PKD1: variants seen among roughly 807,000 people sequenced by gnomAD.
PKD1 encodes the protein polycystin-1.
Under a neutral mutation model 361.7 loss-of-function variants are expected in PKD1, and 81 were observed. The observed-to-expected ratio is 0.22, with a 90% CI of 0.19 to 0.27. The LOEUF is 0.27. Among genes scored for constraint, PKD1 ranks in the 10% least tolerant of loss-of-function variants. The pLI is 1.00. For synonymous variants in PKD1, 3,615 were observed against 2,818.3 expected (o/e 1.28, Z -8.95); for missense variants, 6,399 against 6,118.3 (o/e 1.05, Z -1.53).
intron 37 of PKD1, 120 bp downstream of exon 37, chr16:2,093,424 T>G: frequency 1.0e-6 from 1 of 961,898 alleles, no homozygotes; most frequent in Non-Finnish European, 1.6e-6. Context: ...CTGCAGAGCA[T>G]TGAACCCCTA....
In PKD1 at chr16:2,111,858, C is replaced by G. The variant is rs750789518; in HGVS notation, c.3309G>C (p.Leu1103=). The change falls in exon 15 of 46, where the codon CTG becomes CTC. Residue 1103 remains leucine, a synonymous_variant. Coordinates refer to ENST00000262304, the MANE Select transcript of PKD1 (RefSeq NM_001009944.3). ...CGAAGGCATTAGATGCCAGCACGGTCAGGAGGTACTCACCTGTGGGGACAG... is the reference window on the plus strand; with the variant it reads ...CGAAGGCATTAGATGCCAGCACGGTGAGGAGGTACTCACCTGTGGGGACAG... The part of the protein sequence containing the change: ...HTYAAPGEYL[L]TVLASNAFEN... 11 of 1,610,268 alleles carry G rather than the reference C, an allele frequency of 6.8e-6. No homozygotes were observed. In the South Asian group the frequency reaches 1.2e-4, roughly 18 times the overall value.
Position 2,088,860 on chromosome 16 carries a change from C to A in PKD1, c.*867G>T. On this transcript the variant is annotated 3_prime_UTR_variant, in exon 46 of 46. Coordinates refer to ENST00000262304, the MANE Select transcript of PKD1 (RefSeq NM_001009944.3). ...CCTTGAGGCTGCCTGGGCCATACAG[C>A]ACACTCGCGCGTGCGCGCGCGCACA... 1 of 555,230 alleles carries A rather than the reference C, an allele frequency of 1.8e-6. No homozygotes were observed. The highest frequency in any genetic ancestry group is 3.0e-5 in the East Asian group (1 of 33,376). The allele number at this position is 555,230 out of a possible 1,614,324, so 34.4% of individuals were successfully genotyped here. A position where few individuals can be genotyped will look rare whatever the true frequency, so the allele number is the denominator to read the frequency against.
chr16:2,112,771 G>A lies in PKD1; in HGVS notation c.3161+17C>T, dbSNP rs1567206510. The A allele has an allele frequency of 3.1e-6, 5 of 1,593,812 alleles. No individual in the cohort carries two copies. The highest frequency in any genetic ancestry group is 2.2e-5 in the South Asian group (2 of 90,942). On this transcript the variant is annotated intron_variant, in intron 13 of 45. Coordinates refer to ENST00000262304, the MANE Select transcript of PKD1 (RefSeq NM_001009944.3). ...AGAGCCTGGTGCCCACCCCAAACCG[G>A]CCCCCGAGTCACTCACAGGAAGGCC...
Position 2,105,342 on chromosome 16 carries a change from C to G in PKD1, c.7996G>C (p.Ala2666Pro). ...HTVDDIQQIA[A>P]ALAQCMGPSR... ...CCTACCATGCACTGGGCCAGCGCAG[C>G]AGCGATCTGCTGGATGTCATCCACA... Residue 2666 changes from alanine to proline, a missense_variant, in exon 21 of 46, where the codon GCT becomes CCT. Ala to Pro is a conservative substitution (Grantham distance 27). Transcript: ENST00000262304. 6.3e-7 allele frequency: 1 copy of G among 1,593,320 alleles called. No individual in the cohort carries two copies.
intron 1 of PKD1, among the ~76,000 whole-genome samples, chr16:2,134,521 T>G (rs2151856469): frequency 7.0e-6 from 1 of 142,632 alleles, no homozygotes; most frequent in Admixed American, 6.8e-5. Context: ...TGGGGACAAC[T>G]GTCTGCTTAT....
chr16:2,091,102 G>C lies in PKD1; in HGVS notation c.11785C>G (p.Arg3929Gly), dbSNP rs776316139. ...ARTWHREGRW[R>G]VLRLGAWARW... Reference sequence around the variant, plus strand: ...GCCCAGGCTCCGAGCCGCAGCACGCGCCAGCGCCCTTCCCTGTGCCAAGTA... The same window carrying C: ...GCCCAGGCTCCGAGCCGCAGCACGCCCCAGCGCCCTTCCCTGTGCCAAGTA... The change falls in exon 43 of 46, where the codon CGC (arginine) becomes GGC (glycine). Residue 3929 changes from arginine to glycine, a missense_variant. By Grantham distance (125) the Arg-to-Gly change is moderately radical. Coordinates refer to ENST00000262304, the MANE Select transcript of PKD1 (RefSeq NM_001009944.3). 2.0e-6 allele frequency: 3 copies of C among 1,495,544 alleles called. No homozygotes were observed. The highest frequency in any genetic ancestry group is 1.4e-5 in the African/African-American group (1 of 69,062). The allele number at this position is 1,495,544 out of a possible 1,614,324, so 92.6% of individuals were successfully genotyped here.
rs142202785 is a variant in PKD1 at position 2,111,743 on chromosome 16, G to A, written c.3424C>T (p.Arg1142Trp). The change falls in exon 15 of 46, where the codon CGG becomes TGG. Residue 1142 changes from arginine (R) to tryptophan (W), a missense_variant. Physicochemically the swap from Arg to Trp is moderately radical, Grantham distance 101. Coordinates refer to ENST00000262304, the MANE Select transcript of PKD1 (RefSeq NM_001009944.3). The part of the protein sequence containing the change: ...GVSDGVLVAG[R>W]PVTFYPHPLP... ...GGGTGCGGGTAGAAGGTGACGGGCC[G>A]GCCGGCCACCAGGACGCCGTCACTC... The A allele has an allele frequency of 2.5e-3, 3,956 of 1,600,428 alleles. 55 individuals are homozygous for A. In the African/African-American group the frequency reaches 0.039, roughly 16 times the overall value.
chr16:2,098,339 G>A (rs2091936458), intron 30 of PKD1: 1 of 374,240 alleles, frequency 2.7e-6, no homozygotes, highest in South Asian at 2.5e-5. Context: ...CTCCTGAGTA[G>A]CTGGGATTAC....
In PKD1 at chr16:2,106,042, T is replaced by C; in HGVS notation, c.7704-18A>G. On this transcript the variant is annotated intron_variant, in intron 19 of 45. Coordinates refer to ENST00000262304, the MANE Select transcript of PKD1 (RefSeq NM_001009944.3). The surrounding 1 kb of genome is among the most constrained non-coding windows in gnomAD (Gnocchi z 6.5). Reference sequence around the variant, plus strand: ...CCAAAGACCTACGAGCAGAGGGGGGTGGTGAGCAGGTGGCAGTCTCGGGGG... The same window carrying C: ...CCAAAGACCTACGAGCAGAGGGGGGCGGTGAGCAGGTGGCAGTCTCGGGGG... 1.2e-6 allele frequency: 2 copies of C among 1,605,728 alleles called. No homozygotes were observed. Among genetic ancestry groups the C allele is most frequent in the Non-Finnish European group, 8.5e-7 (1 of 1,178,552 alleles).
intron 14 of PKD1, 133 bp downstream of exon 14, chr16:2,112,207 C>A (rs894269475): frequency 2.4e-6 from 2 of 828,366 alleles, no homozygotes; most frequent in Non-Finnish European, 4.0e-6. Context: ...CAGTAGGGGC[C>A]TAAGCCATCA....
Position 2,108,342 on chromosome 16 carries a change from C to T in PKD1, c.6825G>A (p.Val2275=). 1.2e-6 allele frequency: 2 copies of T among 1,608,330 alleles called. No homozygotes were observed. Among genetic ancestry groups the T allele is most frequent in the Non-Finnish European group, 1.7e-6 (2 of 1,177,920 alleles). ...GGTCGTAGGACTCGCTCCCATCCAG[C>T]ACCAGGTCCCGTGTGTCTGACCACA... ...YRVWSDTRDL[V]LDGSESYDPN... The change falls in exon 15 of 46, where the codon GTG becomes GTA. Residue 2275 remains valine, a synonymous_variant. Transcript: ENST00000262304.
chr16:2,118,102 G>C lies in PKD1; in HGVS notation c.890C>G (p.Pro297Arg), dbSNP rs757527492. ...CCAGCGTGTGGCAGTGACAGGGAGC[G>C]GGGCAGCGATGTGGAAGGCTGCTAG... is the stretch of plus-strand genomic sequence containing the variant. Reference protein sequence around the residue: ...GQLAAFHIAAPLPVTATRWDF... With the variant: ...GQLAAFHIAARLPVTATRWDF... Residue 297 changes from proline (P) to arginine (R), a missense_variant, in exon 5 of 46, where the codon CCG becomes CGG. By Grantham distance (103) the Pro-to-Arg change is moderately radical. Coordinates refer to ENST00000262304, the MANE Select transcript of PKD1 (RefSeq NM_001009944.3). The surrounding 1 kb of genome is among the most constrained non-coding windows in gnomAD (Gnocchi z 6.0). 1.1e-4 allele frequency: 180 copies of C among 1,605,952 alleles called. No homozygotes were observed. The highest frequency in any genetic ancestry group is 1.5e-4 in the Non-Finnish European group (174 of 1,178,384).
rs779086418 is a variant in PKD1 at position 2,109,271 on chromosome 16, C to T, written c.5896G>A (p.Val1966Met). The change falls in exon 15 of 46, where the codon GTG (valine) becomes ATG (methionine). Residue 1966 changes from valine to methionine, a missense_variant. By Grantham distance (21) the Val-to-Met change is conservative (BLOSUM62 1). Coordinates refer to ENST00000262304, the MANE Select transcript of PKD1 (RefSeq NM_001009944.3). ...VSWAQAQVRI[V>M]VLEAVSGLQV... is the part of the protein sequence containing the mutation. ...AGCCCACTCACGGCCTCCAGCACCA[C>T]GATGCGCACCTGCGCCTGGGCCCAG... is the stretch of plus-strand genomic sequence containing the variant. The T allele has an allele frequency of 1.2e-4, 191 of 1,583,612 alleles. No individual in the cohort carries two copies. The highest frequency in any genetic ancestry group is 1.5e-4 in the Non-Finnish European group (176 of 1,165,914).
In PKD1 at chr16:2,118,288, G is replaced by C. The variant is rs557462067; in HGVS notation, c.704C>G (p.Ala235Gly). The change falls in exon 5 of 46, where the codon GCC becomes GGC. Residue 235 changes from alanine (A) to glycine (G), a missense_variant. Transcript: ENST00000262304. This position sits in a 1 kb window ranked among gnomAD's most constrained non-coding sequence, Gnocchi z 6.0. ...GGCAAAGGAGGCACTGGAGGGCTGGGCCGCCCCACACAGGCACCAGCCCTG... is the reference window on the plus strand; with the variant it reads ...GGCAAAGGAGGCACTGGAGGGCTGGCCCGCCCCACACAGGCACCAGCCCTG... ...SEQGWCLCGA[A>G]QPSSASFACL... The C allele has an allele frequency of 8.5e-6, 13 of 1,530,538 alleles. No homozygotes were observed. The African/African-American group carries it at 1.8e-4, about 21-fold the overall frequency. The allele number at this position is 1,530,538 out of a possible 1,614,324, so 94.8% of individuals were successfully genotyped here.
chr16:2,094,332 A>G, intron 34 of PKD1, 122 bp from the exon 35 acceptor site: 1 of 713,092 alleles, frequency 1.4e-6, no homozygotes. Context: ...CCCCGACAAA[A>G]AGCCGGAAGA....
At position 2,098,170 on chromosome 16, in the gene PKD1, A is replaced by G. The variant is rs1239745462; in HGVS notation, c.10051-186T>C. 2.3e-5 allele frequency: 14 copies of G among 603,026 alleles called. No homozygotes were observed. In the Admixed American group the frequency reaches 4.0e-4, roughly 17 times the overall value. The allele number at this position is 603,026 out of a possible 1,614,324, so 37.4% of individuals were successfully genotyped here. A position where few individuals can be genotyped will look rare whatever the true frequency, so the allele number is the denominator to read the frequency against. Reference sequence around the variant, plus strand: ...CCCCTCGCGACGTGTGCCACTGAACACTTGACAGCAGACTGGTGCAGCTAA... The same window carrying G: ...CCCCTCGCGACGTGTGCCACTGAACGCTTGACAGCAGACTGGTGCAGCTAA... On this transcript the variant is annotated intron_variant, in intron 30 of 45. Transcript: ENST00000262304.
In PKD1 at chr16:2,103,290, G is replaced by C. The variant is rs747638599; in HGVS notation, c.8767C>G (p.Gln2923Glu). ...SSNPAAGLHL[Q>E]LNYTLLDGHY... ...CCGTCCAGCAGCGTATAGTTGAGCT[G>C]CAGATGCAGCCCGGCCGCAGGGTTG... The change falls in exon 23 of 46, where the codon CAG (glutamine) becomes GAG (glutamate). Residue 2923 changes from glutamine to glutamate, a missense_variant. Transcript: ENST00000262304. 4.3e-6 allele frequency: 7 copies of C among 1,609,478 alleles called. No homozygotes were observed. The South Asian group carries it at 7.7e-5, about 18-fold the overall frequency.
chr16:2,095,714 AAGCACTGTCCG>A (rs2091818117), intron 34 of PKD1, among the ~76,000 whole-genome samples: 1 of 152,240 alleles, frequency 6.6e-6, no homozygotes, highest in South Asian at 2.1e-4. Context: ...GGTCAGCCCG[AAGCACTGTCCG>A]AGCAAGGGAC....
rs1229207673 is a variant in PKD1, at chr16:2,093,058, G to A, written c.11052C>T (p.Thr3684=). The change falls in exon 38 of 46, where the codon ACC becomes ACT. Residue 3684 remains threonine, a synonymous_variant. Transcript: ENST00000262304. ...LLVYMLFLLV[T]LLASYGDASC... is the part of the protein sequence containing the mutation. ...AGGCATCCCCATAGCTGGCCAGCAG[G>A]GTCACCAGCAGAAAAAGCATGTACA... is the stretch of plus-strand genomic sequence containing the variant. 3.7e-6 allele frequency: 6 copies of A among 1,612,748 alleles called. No homozygotes were observed. Among genetic ancestry groups the A allele is most frequent in the Admixed American group, 1.7e-5 (1 of 59,994 alleles).
Sources: allele counts gnomAD v4.1 joint callset (sites outside exome capture counted in the v4.1 genomes callset), GRCh38; gene constraint gnomAD v4.1.1; non-coding constraint Gnocchi (gnomAD v3.1); transcripts MANE v1.5; gene names NCBI Gene and HGNC (gene_info 2026-07-23, HGNC 2026-07-21).